The following TAFA2 variants were observed in gnomAD, a reference collection of about 807,000 sequenced individuals.
TAFA2 encodes the protein chemokine-like protein TAFA-2.
Under a neutral mutation model 18.8 loss-of-function variants are expected in TAFA2, and 7 were observed. The observed-to-expected ratio is 0.37, with a 90% CI of 0.21 to 0.70. The LOEUF is 0.70. Among genes scored for constraint, TAFA2 ranks in the 30% least tolerant of loss-of-function variants. The pLI is 0.53. For synonymous variants in TAFA2, 60 were observed against 54.2 expected, an observed-to-expected ratio of 1.11 and a Z score of -0.47; for missense variants, 122 against 158.1, an observed-to-expected ratio of 0.77 and a Z score of 1.23.
chr12:62,244,199 T>C (rs575776785), intron 1 of TAFA2, among the ~76,000 whole-genome samples: 35 of 150,482 alleles, frequency 2.3e-4, no homozygotes, highest in Non-Finnish European at 4.6e-4. Flanking sequence ...GTCTATCATC[T>C]GAACTCAATC....
chr12:62,014,242 A>G (rs138214671), intron 1 of TAFA2, among the ~76,000 whole-genome samples: 1 of 152,362 alleles, frequency 6.6e-6, no homozygotes, highest in African/African-American at 2.4e-5. Context: ...CAACTTTGGC[A>G]GCAAGATACC....
At chr12:62,010,159 C>G (rs913119730) in intron 1 of TAFA2, among the ~76,000 whole-genome samples, 129 of 147,758 alleles carry the variant, frequency 8.7e-4, no homozygotes, top group Non-Finnish European at 1.1e-3. Flanking sequence ...CCCTCTCCCC[C>G]TCCCCCTCCC....
At chr12:62,095,065 G>A (rs1565742624) in intron 1 of TAFA2, among the ~76,000 whole-genome samples, 1 of 152,054 alleles carries the variant, frequency 6.6e-6, no homozygotes, top group Non-Finnish European at 1.5e-5. Context: ...AGGCCACTTA[G>A]ATAAGTCCTT....
intron 1 of TAFA2, among the ~76,000 whole-genome samples, chr12:61,987,387 T>TA (rs1879855841): frequency 1.3e-5 from 2 of 152,302 alleles, no homozygotes; most frequent in South Asian, 4.1e-4. Flanking sequence ...GACAAAGAAA[T>TA]AAACAGTTCT....
At chr12:61,982,876 CAAAAAA>C (rs3031097) in intron 1 of TAFA2, among the ~76,000 whole-genome samples, 2 of 101,594 alleles carry the variant, frequency 2.0e-5, no homozygotes, top group Admixed American at 1.1e-4. Flanking sequence ...AAGTGGAAGG[CAAAAAA>C]AAAAAAAAAA....
At chr12:61,875,761 T>A (rs916091311) in intron 1 of TAFA2, among the ~76,000 whole-genome samples, 3 of 152,062 alleles carry the variant, frequency 2.0e-5, no homozygotes, top group Admixed American at 6.6e-5. Context: ...TTAGAAAAAA[T>A]TGGATTACCT....
intron 1 of TAFA2, among the ~76,000 whole-genome samples, chr12:61,878,546 A>G (rs1290174473): frequency 1.3e-5 from 2 of 152,162 alleles, no homozygotes; most frequent in Non-Finnish European, 2.9e-5. Context: ...TCACTACTTT[A>G]TTTCCAGCAT....
At chr12:62,256,810 G>A (rs2062941309) in intron 1 of TAFA2, among the ~76,000 whole-genome samples, 1 of 152,132 alleles carries the variant, frequency 6.6e-6, no homozygotes, top group Non-Finnish European at 1.5e-5. Context: ...ATCATTAACA[G>A]ATTAAGCACT....
intron 4 of TAFA2, among the ~76,000 whole-genome samples, chr12:61,720,111 T>G (rs1171767657): frequency 6.6e-6 from 1 of 152,136 alleles, no homozygotes; most frequent in African/African-American, 2.4e-5. Context: ...CATAGTTCAG[T>G]AATCTTGAAT....
intron 1 of TAFA2, among the ~76,000 whole-genome samples, chr12:61,962,139 G>C (rs550712108): frequency 6.6e-6 from 1 of 152,078 alleles, no homozygotes; most frequent in East Asian, 1.9e-4. Context: ...CAAAGATTAT[G>C]TGCTTTGTAG....
At chr12:61,864,410 ATTTC>A (rs1306171358) in intron 2 of TAFA2, among the ~76,000 whole-genome samples, 3,027 of 148,414 alleles carry the variant, frequency 0.02, 83 homozygotes, top group African/African-American at 0.071. Flanking sequence ...GTATATATAT[ATTTC>A]TATATATACA....
At chr12:62,090,241 T>C (rs967913091) in intron 1 of TAFA2, among the ~76,000 whole-genome samples, 1 of 152,070 alleles carries the variant, frequency 6.6e-6, no homozygotes, top group African/African-American at 2.4e-5. Context: ...TTCAAGAATT[T>C]CAATTAATGG....
intron 1 of TAFA2, among the ~76,000 whole-genome samples, chr12:61,977,963 G>A (rs1301478669): frequency 6.6e-6 from 1 of 151,996 alleles, no homozygotes; most frequent in Non-Finnish European, 1.5e-5. Flanking sequence ...TTAGGGTTTT[G>A]CCTTCTTTTA....
intron 1 of TAFA2, among the ~76,000 whole-genome samples, chr12:61,872,373 C>G (rs977404719): frequency 1.3e-5 from 2 of 152,030 alleles, no homozygotes; most frequent in African/African-American, 4.8e-5. Flanking sequence ...TTGGTGTTAA[C>G]TAGTTACAAT....
chr12:61,978,427 T>C (rs1879512489), intron 1 of TAFA2, among the ~76,000 whole-genome samples: 1 of 152,028 alleles, frequency 6.6e-6, no homozygotes, highest in South Asian at 2.1e-4. Flanking sequence ...TAATAACAAT[T>C]TTCAAAATGA....
upstream of TAFA2, among the ~76,000 whole-genome samples, chr12:62,195,741 C>G (rs746721236): frequency 6.6e-6 from 1 of 152,156 alleles, no homozygotes; most frequent in Non-Finnish European, 1.5e-5. Flanking sequence ...CTTTCTTTTT[C>G]CATTTATAAA....
At chr12:62,096,444 C>A (rs550412425) in intron 1 of TAFA2, among the ~76,000 whole-genome samples, 1 of 152,156 alleles carries the variant, frequency 6.6e-6, no homozygotes, top group South Asian at 2.1e-4. Flanking sequence ...TATTCATAAA[C>A]AAGAAAATGC....
intron 1 of TAFA2, among the ~76,000 whole-genome samples, chr12:62,127,578 G>C (rs1870514669): frequency 6.6e-6 from 1 of 151,924 alleles, no homozygotes; most frequent in African/African-American, 2.4e-5. Flanking sequence ...TTTCAGAAAT[G>C]AATTAAAGTC....
In TAFA2 at chr12:61,768,670, G is replaced by A. The variant is rs546442188; in HGVS notation, c.107-13646C>T. 5.3e-4 allele frequency among the ~76,000 whole-genome samples: 80 copies of A among 152,202 alleles called. No individual in the cohort carries two copies. In the South Asian group the frequency reaches 0.016, roughly 30 times the overall value. On this transcript the variant is annotated intron_variant, in intron 2 of 4. Coordinates refer to ENST00000416284, the MANE Select transcript of TAFA2 (RefSeq NM_178539.5). ...TAGAGGAAGCAGCTGGAAGAGTGCT[G>A]TGGGCACTCTCGGTCCCCAGGGAAG...
Sources: allele counts gnomAD v4.1 joint callset (sites outside exome capture counted in the v4.1 genomes callset), GRCh38; gene constraint gnomAD v4.1.1; transcripts MANE v1.5; gene names NCBI Gene and HGNC (gene_info 2026-07-23, HGNC 2026-07-21).